The following MYO16 variants were observed in gnomAD, a reference collection of about 807,000 sequenced individuals.
MYO16 encodes the protein myosin XVI.
In MYO16, 94 loss-of-function variants were observed where a neutral mutation model predicts 205.3. The observed-to-expected ratio is 0.46, with a 90% CI of 0.39 to 0.54. The LOEUF (loss-of-function observed/expected upper bound fraction) is 0.54. Ranked by LOEUF, MYO16 falls within the 20% of genes least tolerant of loss-of-function variation. MYO16 has a pLI of 0.00. For synonymous variants in MYO16, 988 were observed against 954.0 expected (o/e 1.04, Z -0.66); for missense variants, 2,315 against 2,387.5 (o/e 0.97, Z 0.63).
intron 11 of MYO16, among the ~76,000 whole-genome samples, chr13:108,858,483 A>G (rs1039717038): frequency 6.6e-6 from 1 of 152,122 alleles, no homozygotes; most frequent in Non-Finnish European, 1.5e-5. Context: ...TCTTGGGCCA[A>G]TGCATTTGGT....
chr13:108,532,860 G>A, the MYO16 span, among the ~76,000 whole-genome samples: 2 of 152,130 alleles, frequency 1.3e-5, no homozygotes, highest in Non-Finnish European at 2.9e-5. Flanking sequence ...CATCTAGTGT[G>A]AAGGATTGCA....
chr13:108,713,584 G>T (rs1194566780), intron 3 of MYO16, among the ~76,000 whole-genome samples: 1 of 152,070 alleles, frequency 6.6e-6, no homozygotes, highest in Non-Finnish European at 1.5e-5. Context: ...ATTTTTTCTG[G>T]GATGTAGCTT....
chr13:109,083,212 GTC>G (rs1435819548), intron 27 of MYO16, among the ~76,000 whole-genome samples: 3 of 151,522 alleles, frequency 2.0e-5, no homozygotes, highest in Non-Finnish European at 4.4e-5. Flanking sequence ...GCGAAACCCT[GTC>G]TCTACTAAAA....
At chr13:108,583,733 G>C in the MYO16 span, among the ~76,000 whole-genome samples, 4 of 152,122 alleles carry the variant, frequency 2.6e-5, no homozygotes, top group Non-Finnish European at 4.4e-5. Flanking sequence ...AAGTTACAAA[G>C]CTGATTGTGG....
At chr13:108,972,885 G>A (rs1884108351) in intron 20 of MYO16, among the ~76,000 whole-genome samples, 1 of 151,450 alleles carries the variant, frequency 6.6e-6, no homozygotes, top group Non-Finnish European at 1.5e-5. Flanking sequence ...TTTCTTTTAA[G>A]AAAAATAAGA....
intron 23 of MYO16, among the ~76,000 whole-genome samples, chr13:109,031,880 G>A (rs759262449): frequency 2.0e-5 from 3 of 152,170 alleles, no homozygotes; most frequent in Non-Finnish European, 2.9e-5. Flanking sequence ...AACTGTAATC[G>A]TCAAAACAAC....
intron 4 of MYO16, among the ~76,000 whole-genome samples, chr13:108,730,737 T>C (rs139807574): frequency 2.0e-5 from 3 of 152,246 alleles, no homozygotes; most frequent in Non-Finnish European, 4.4e-5. Flanking sequence ...AAATGAATGT[T>C]TAGAAAAAGG....
At chr13:109,144,671 T>C (rs1453843915) in intron 32 of MYO16, among the ~76,000 whole-genome samples, 1 of 152,248 alleles carries the variant, frequency 6.6e-6, no homozygotes, top group Non-Finnish European at 1.5e-5. Flanking sequence ...GTGGCTAATT[T>C]ACCCTTCAGG....
chr13:108,978,767 A>G (rs965563732), intron 20 of MYO16, among the ~76,000 whole-genome samples: 1 of 152,010 alleles, frequency 6.6e-6, no homozygotes, highest in Non-Finnish European at 1.5e-5. Flanking sequence ...TTTGTACTAA[A>G]TGAAGATCAT....
intron 23 of MYO16, 94 bp downstream of exon 23, chr13:109,020,005 A>G: frequency 1.6e-6 from 2 of 1,262,842 alleles, no homozygotes; most frequent in Non-Finnish European, 2.2e-6. Context: ...AAGGTGTGTT[A>G]TTTGGATAAA....
chr13:108,675,533 CT>C (rs1252005088), intron 2 of MYO16, among the ~76,000 whole-genome samples: 1 of 152,084 alleles, frequency 6.6e-6, no homozygotes, highest in East Asian at 1.9e-4. Flanking sequence ...ATAGTCACAA[CT>C]TTCATAGGTG....
chr13:108,889,983 G>C (rs1456016767), intron 14 of MYO16, among the ~76,000 whole-genome samples: 1 of 152,080 alleles, frequency 6.6e-6, no homozygotes, highest in East Asian at 1.9e-4. Context: ...ACAGGCTGGA[G>C]TACAGTGATA....
At chr13:108,900,383 T>C (rs75368876) in intron 15 of MYO16, among the ~76,000 whole-genome samples, 144 of 152,260 alleles carry the variant, frequency 9.5e-4, no homozygotes, top group African/African-American at 3.2e-3. Context: ...AGGTGATACA[T>C]ATTCATAATG....
At chr13:108,676,588 C>T (rs1283185197) in intron 2 of MYO16, among the ~76,000 whole-genome samples, 1 of 152,120 alleles carries the variant, frequency 6.6e-6, no homozygotes, top group East Asian at 1.9e-4. Context: ...GGTGGGTCCC[C>T]ATCCAAGGAC....
chr13:109,136,819 AG>A (rs1876797206), intron 31 of MYO16, among the ~76,000 whole-genome samples: 1 of 146,096 alleles, frequency 6.8e-6, no homozygotes, highest in African/African-American at 2.6e-5. Flanking sequence ...AAAGAGTTTA[AG>A]GTTTTTTTGT....
chr13:108,699,553 T>G (rs1926507), intron 2 of MYO16, among the ~76,000 whole-genome samples: 101,231 of 152,002 alleles, frequency 0.67, 33,872 homozygotes, highest in East Asian at 0.78. Flanking sequence ...GATTTACTAC[T>G]TCTACATCAA....
intron 15 of MYO16, among the ~76,000 whole-genome samples, chr13:108,909,532 C>T (rs1314921291): frequency 6.6e-6 from 1 of 151,670 alleles, no homozygotes; most frequent in Non-Finnish European, 1.5e-5. Flanking sequence ...AGTGAGGGAC[C>T]ATGGTCTGTC....
intron 31 of MYO16, among the ~76,000 whole-genome samples, chr13:109,138,039 A>T (rs751234): frequency 0.018 from 2,711 of 152,316 alleles, 39 homozygotes; most frequent in South Asian, 0.03. Flanking sequence ...ACTTCTCTTT[A>T]TTCATGAATT....
chr13:108,822,483 A>T (rs1309566438), intron 8 of MYO16, among the ~76,000 whole-genome samples: 1 of 152,136 alleles, frequency 6.6e-6, no homozygotes, highest in African/African-American at 2.4e-5. Flanking sequence ...CATGATCTGT[A>T]TCAATTTCTA....
Sources: allele counts gnomAD v4.1 joint callset (sites outside exome capture counted in the v4.1 genomes callset), GRCh38; gene constraint gnomAD v4.1.1; transcripts MANE v1.5; gene names NCBI Gene and HGNC (gene_info 2026-07-23, HGNC 2026-07-21).